Variants in PKHD1 observed in about 807,000 individuals in gnomAD.
The protein encoded by PKHD1 is PKHD1 ciliary IPT domain containing fibrocystin/polyductin, also known as fibrocystin.
A neutral mutation model predicts 412.0 loss-of-function variants in PKHD1; 291 were observed. The observed-to-expected ratio is 0.71, with a 90% confidence interval of 0.64 to 0.78. The LOEUF (loss-of-function observed/expected upper bound fraction) is 0.78, where lower values mean the gene tolerates loss of function less well. Among genes scored for constraint, PKHD1 ranks in the 30% least tolerant of loss-of-function variants. PKHD1 has a pLI of 0.00. For synonymous variants in PKHD1, 1,777 were observed against 1,821.5 expected, an observed-to-expected ratio of 0.98 and a Z score of 0.62; for missense variants, 4,825 against 4,950.7, an observed-to-expected ratio of 0.97 and a Z score of 0.76.
chr6:51,815,602 T>C (rs1277931093), intron 52 of PKHD1, among the ~76,000 whole-genome samples: 1 of 152,066 alleles, frequency 6.6e-6, no homozygotes, highest in African/African-American at 2.4e-5. Context: ...TGGACAACAA[T>C]GCATGCAGGA....
intron 64 of PKHD1, among the ~76,000 whole-genome samples, chr6:51,633,390 C>T (rs1768158411): frequency 6.6e-6 from 1 of 152,094 alleles, no homozygotes; most frequent in African/African-American, 2.4e-5. Flanking sequence ...AAGAAAGTTA[C>T]CTATCTGCAT....
rs184255896 is a variant in PKHD1, at chr6:51,985,800, G to A, written c.5751+24509C>T. ...ACAGGGATATCTTTTAAAATAGAAA[G>A]GTTTCTTTTTTACTGATACATAATA... On this transcript the variant is annotated intron_variant, in intron 35 of 66. Coordinates refer to ENST00000371117, the MANE Select transcript of PKHD1 (RefSeq NM_138694.4). Among the ~76,000 whole-genome samples the A allele has an allele frequency of 1.4e-3, 218 of 152,002 alleles. 3 individuals carry two copies. The highest frequency in any genetic ancestry group is 6.3e-4 in the Non-Finnish European group (43 of 67,974).
intron 1 of PKHD1, among the ~76,000 whole-genome samples, chr6:52,086,983 T>C (rs984282201): frequency 6.6e-6 from 1 of 152,180 alleles, no homozygotes; most frequent in African/African-American, 2.4e-5. Context: ...TACGTGATTT[T>C]AACATTTCTT....
At chr6:51,866,169 G>A (rs1390478004) in intron 48 of PKHD1, among the ~76,000 whole-genome samples, 3 of 152,108 alleles carry the variant, frequency 2.0e-5, no homozygotes, top group African/African-American at 4.8e-5. Flanking sequence ...CTGGAAGCAC[G>A]CTGAGACTTC....
chr6:51,942,650 A>G lies in PKHD1; in HGVS notation c.5909-8328T>C, dbSNP rs1788771603. Among the ~76,000 whole-genome samples, 9 of 151,026 alleles carry G rather than the reference A, an allele frequency of 6.0e-5. 1 individual carries two copies. The South Asian group carries it at 1.9e-3, about 32-fold the overall frequency. ...ACCTGACATTCACCCCCATTTCTCC[A>G]TATTTCCTTCTTTCCTGTTCCTCAC... On this transcript the variant is annotated intron_variant, in intron 36 of 66. Coordinates refer to ENST00000371117, the MANE Select transcript of PKHD1 (RefSeq NM_138694.4).
At chr6:51,661,859 A>G (rs1054164005) in intron 60 of PKHD1, among the ~76,000 whole-genome samples, 1 of 152,046 alleles carries the variant, frequency 6.6e-6, no homozygotes, top group African/African-American at 2.4e-5. Context: ...AAAAAATCAA[A>G]TTATCTTTAA....
At chr6:51,785,512 G>A (rs1355473405) in intron 53 of PKHD1, among the ~76,000 whole-genome samples, 1 of 152,150 alleles carries the variant, frequency 6.6e-6, no homozygotes, top group Non-Finnish European at 1.5e-5. Flanking sequence ...GTAATAATTT[G>A]TGTCAAAACT....
chr6:52,056,620 A>G, intron 18 of PKHD1, 78 bp downstream of exon 18: 1 of 1,087,470 alleles, frequency 9.2e-7, no homozygotes, highest in East Asian at 2.4e-5. Flanking sequence ...TGGAGAGGAA[A>G]TGGGGATTGT....
intron 57 of PKHD1, among the ~76,000 whole-genome samples, chr6:51,751,659 T>C (rs778539090): frequency 1.3e-5 from 2 of 152,198 alleles, no homozygotes; most frequent in African/African-American, 2.4e-5. Flanking sequence ...TCTTCATTAA[T>C]ATTTTTCATT....
intron 53 of PKHD1, among the ~76,000 whole-genome samples, chr6:51,777,671 G>A (rs555127003): frequency 8.3e-6 from 1 of 119,784 alleles, no homozygotes; most frequent in African/African-American, 3.2e-5. Flanking sequence ...GTAGTTTAGA[G>A]TCTTTGGGAA....
intron 36 of PKHD1, among the ~76,000 whole-genome samples, chr6:51,953,695 G>A (rs1236021933): frequency 6.6e-6 from 1 of 151,908 alleles, no homozygotes; most frequent in East Asian, 1.9e-4. Flanking sequence ...ACCTGACAGT[G>A]AGTCAGAAGA....
intron 49 of PKHD1, among the ~76,000 whole-genome samples, chr6:51,851,260 G>T (rs988970707): frequency 4.6e-5 from 7 of 152,174 alleles, no homozygotes; most frequent in Non-Finnish European, 7.4e-5. Flanking sequence ...CTTGATAATG[G>T]TGGATAAGTT....
In PKHD1 at chr6:51,706,717, G is replaced by A. The variant is rs888649859; in HGVS notation, c.10156+37668C>T. ...CCAAGCCAAATTCTTGTAATGAAAT[G>A]TCTAGAAAAGTGTGAATCTGATTCT... On this transcript the variant is annotated intron_variant, in intron 60 of 66. Coordinates refer to ENST00000371117, the MANE Select transcript of PKHD1 (RefSeq NM_138694.4). Among the ~76,000 whole-genome samples, 5 of 152,098 alleles carry A rather than the reference G, an allele frequency of 3.3e-5. No homozygotes were observed. In the South Asian group the frequency reaches 1.0e-3, roughly 32 times the overall value.
intron 34 of PKHD1, 28 bp downstream of exon 34, chr6:52,017,382 A>C: frequency 1.4e-6 from 2 of 1,451,646 alleles, no homozygotes; most frequent in East Asian, 2.3e-5. Context: ...TTTGTGGGGA[A>C]GTTCAGGGAG....
chr6:51,855,531 C>T (rs1036448726), intron 49 of PKHD1, among the ~76,000 whole-genome samples: 1 of 152,164 alleles, frequency 6.6e-6, no homozygotes, highest in African/African-American at 2.4e-5. Context: ...GCTACAAACA[C>T]TTCTCTCTAG....
At chr6:52,049,560 A>T (rs1036526861) in intron 22 of PKHD1, among the ~76,000 whole-genome samples, 4 of 152,210 alleles carry the variant, frequency 2.6e-5, no homozygotes, top group African/African-American at 4.8e-5. Context: ...TGAAAAATTA[A>T]AAGAACAAAT....
intron 50 of PKHD1, among the ~76,000 whole-genome samples, chr6:51,845,852 G>A (rs1226966195): frequency 6.6e-6 from 1 of 152,038 alleles, no homozygotes; most frequent in Non-Finnish European, 1.5e-5. Flanking sequence ...TTTTTATTAC[G>A]TTTAGTTTAT....
intron 35 of PKHD1, among the ~76,000 whole-genome samples, chr6:51,979,569 C>G (rs971708531): frequency 1.3e-5 from 2 of 151,884 alleles, no homozygotes; most frequent in African/African-American, 4.8e-5. Flanking sequence ...CCTCTCCCCC[C>G]AACACATAGT....
chr6:51,690,271 C>CAAAAAAAA (rs70977310), intron 60 of PKHD1, among the ~76,000 whole-genome samples: 21 of 109,910 alleles, frequency 1.9e-4, no homozygotes, highest in Non-Finnish European at 3.1e-4. Context: ...GACTCCATCT[C>CAAAAAAAA]AAAAAAAAAA....
Sources: gnomAD v4.1 joint callset for allele counts (sites outside exome capture counted in the v4.1 genomes callset) on GRCh38, gnomAD v4.1.1 for gene constraint, MANE v1.5 for transcripts, NCBI Gene and HGNC (gene_info 2026-07-23, HGNC 2026-07-21) for gene names.